The following SPOP variants were observed in gnomAD, a reference collection of about 807,000 sequenced individuals.
SPOP encodes the protein speckle type BTB/POZ protein.
In SPOP, 11 loss-of-function variants were observed where a neutral mutation model predicts 45.6. The observed-to-expected ratio is 0.24, with a 90% CI of 0.15 to 0.40. The LOEUF (loss-of-function observed/expected upper bound fraction) is 0.40. Ranked by LOEUF, SPOP falls within the 10% of genes least tolerant of loss-of-function variation. SPOP has a pLI of 1.00. For synonymous variants in SPOP, 166 were observed against 166.3 expected (o/e 1.00, Z 0.01); for missense variants, 152 against 465.6 (o/e 0.33, Z 6.20).
chr17:49,656,728 A>AC (rs1567798839), intron 1 of SPOP, among the ~76,000 whole-genome samples: 2 of 152,132 alleles, frequency 1.3e-5, no homozygotes, highest in East Asian at 3.9e-4. Context: ...GTTACTAAGA[A>AC]CCCATTAGCT....
intron 5 of SPOP, among the ~76,000 whole-genome samples, chr17:49,617,692 G>A (rs957495151): frequency 6.6e-6 from 1 of 152,068 alleles, no homozygotes; most frequent in Admixed American, 6.5e-5. Flanking sequence ...GGCAGGCTGA[G>A]GCAGGCGGAT....
At position 49,611,556 on chromosome 17, in the gene SPOP, T is replaced by C. The variant is rs73331448; in HGVS notation, c.481-99A>G. ...ACCTAACTGCTGTAGTACATTCAGA[T>C]ACTAATATTAATCATATTATCTTGA... On this transcript the variant is annotated intron_variant, in intron 5 of 9. Coordinates refer to ENST00000504102, the MANE Select transcript of SPOP (RefSeq NM_001007228.2). The C allele has an allele frequency of 2.1e-3, 2,286 of 1,063,964 alleles. 37 individuals are homozygous for C. In the African/African-American group the frequency reaches 0.031, roughly 15 times the overall value. The allele number at this position is 1,063,964 out of a possible 1,614,324, so 65.9% of individuals were successfully genotyped here.
At chr17:49,635,807 T>C (rs2072531951) in intron 1 of SPOP, among the ~76,000 whole-genome samples, 1 of 151,796 alleles carries the variant, frequency 6.6e-6, no homozygotes, top group South Asian at 2.1e-4. Context: ...CTAATTTTTG[T>C]ATTTTTAGTA....
intron 1 of SPOP, among the ~76,000 whole-genome samples, chr17:49,632,235 T>C (rs1280251026): frequency 6.6e-6 from 1 of 152,198 alleles, no homozygotes; most frequent in African/African-American, 2.4e-5. Flanking sequence ...AAGAAAACTA[T>C]CAAGTCACTC....
intron 1 of SPOP, among the ~76,000 whole-genome samples, chr17:49,634,792 C>T (rs1318489969): frequency 6.6e-6 from 1 of 152,052 alleles, no homozygotes; most frequent in Admixed American, 6.6e-5. Context: ...ATGGAAGGGA[C>T]CCAAGGAATG....
intron 1 of SPOP, among the ~76,000 whole-genome samples, chr17:49,664,059 T>C (rs1008901690): frequency 6.6e-6 from 1 of 152,230 alleles, no homozygotes; most frequent in East Asian, 1.9e-4. Flanking sequence ...AAATCACATA[T>C]GGGTAAAAGA....
At chr17:49,627,862 G>GGA (rs2072368781) in intron 1 of SPOP, among the ~76,000 whole-genome samples, 1 of 152,080 alleles carries the variant, frequency 6.6e-6, no homozygotes, top group Non-Finnish European at 1.5e-5. Flanking sequence ...CAGCAGAACT[G>GGA]GAGAATCTGT....
chr17:49,661,908 G>A (rs1420419182), intron 1 of SPOP, among the ~76,000 whole-genome samples: 2 of 151,308 alleles, frequency 1.3e-5, no homozygotes, highest in African/African-American at 4.9e-5. Context: ...AGCTACTTTG[G>A]AGGCTGAGGC....
At chr17:49,615,138 T>C (rs997683972) in intron 5 of SPOP, among the ~76,000 whole-genome samples, 3 of 152,150 alleles carry the variant, frequency 2.0e-5, no homozygotes, top group Non-Finnish European at 4.4e-5. Context: ...GGATTACAGG[T>C]TATAGTGAGC....
At chr17:49,603,158 A>C (rs2071771352) in intron 8 of SPOP, among the ~76,000 whole-genome samples, 2 of 152,196 alleles carry the variant, frequency 1.3e-5, no homozygotes, top group South Asian at 4.1e-4. Context: ...ATCTGCTGGC[A>C]CTGTGATCTC....
chr17:49,669,310 A>T (rs1159549338), intron 1 of SPOP, among the ~76,000 whole-genome samples: 1 of 125,050 alleles, frequency 8.0e-6, no homozygotes, highest in Non-Finnish European at 1.7e-5. Context: ...CAGGTGATCC[A>T]CCCGTCTCAG....
intron 1 of SPOP, among the ~76,000 whole-genome samples, chr17:49,676,799 T>TA (rs1274516600): frequency 2.6e-5 from 4 of 152,234 alleles, no homozygotes; most frequent in Non-Finnish European, 4.4e-5. Context: ...ATATAATCGC[T>TA]AACTGAAAAC....
chr17:49,670,324 G>C (rs1324185636), intron 1 of SPOP, among the ~76,000 whole-genome samples: 1 of 152,224 alleles, frequency 6.6e-6, no homozygotes, highest in African/African-American at 2.4e-5. Context: ...TAGCCTTTCG[G>C]AGAGATTCAC....
chr17:49,610,239 G>C (rs1263622015), intron 6 of SPOP, among the ~76,000 whole-genome samples: 3 of 151,888 alleles, frequency 2.0e-5, no homozygotes, highest in Admixed American at 1.3e-4. Flanking sequence ...TTTCCCCCGA[G>C]ACAGAGTCTT....
At chr17:49,676,836 T>C (rs919826325) in intron 1 of SPOP, among the ~76,000 whole-genome samples, 1 of 152,234 alleles carries the variant, frequency 6.6e-6, no homozygotes, top group African/African-American at 2.4e-5. Context: ...TGAAATACTA[T>C]TGTACTTCAA....
At position 49,600,164 on chromosome 17, in the gene SPOP, G is replaced by C. The variant is rs2071713856; in HGVS notation, c.*214C>G. The C allele has an allele frequency of 1.5e-6, 1 of 654,878 alleles. No homozygotes were observed. Among genetic ancestry groups the C allele is most frequent in the Non-Finnish European group, 2.6e-6 (1 of 382,160 alleles). 40.6% of individuals were successfully genotyped at this position (654,878 alleles called of 1,614,324 possible). On this transcript the variant is annotated 3_prime_UTR_variant, in exon 10 of 10. Coordinates refer to ENST00000504102, the MANE Select transcript of SPOP (RefSeq NM_001007228.2). This position sits in a 1 kb window ranked among gnomAD's most constrained non-coding sequence, Gnocchi z 4.2. ...ACTCAGCCAGGCCAAAGGGAACACA[G>C]TGACGCAGCAACAGGGTTTTCATTT...
At chr17:49,602,615 C>T (rs1257334783) in intron 8 of SPOP, among the ~76,000 whole-genome samples, 1 of 152,192 alleles carries the variant, frequency 6.6e-6, no homozygotes, top group Non-Finnish European at 1.5e-5. Context: ...CTTTTACCAA[C>T]ACCTCTGCCA....
At chr17:49,645,200 C>G (rs114929021) in intron 1 of SPOP, among the ~76,000 whole-genome samples, 2,162 of 152,236 alleles carry the variant, frequency 0.014, 65 homozygotes, top group African/African-American at 0.05. Flanking sequence ...AAATATTTTT[C>G]CTATAGCTGA....
chr17:49,645,647 A>G (rs1283374340), intron 1 of SPOP, among the ~76,000 whole-genome samples: 1 of 152,124 alleles, frequency 6.6e-6, no homozygotes, highest in Non-Finnish European at 1.5e-5. Context: ...ACATATCTTC[A>G]TAAAGACCAT....
Sources: gnomAD v4.1 joint callset for allele counts (sites outside exome capture counted in the v4.1 genomes callset) on GRCh38, gnomAD v4.1.1 for gene constraint, Gnocchi (gnomAD v3.1) non-coding constraint, MANE v1.5 for transcripts, NCBI Gene and HGNC (gene_info 2026-07-23, HGNC 2026-07-21) for gene names.